Variants in CCSER1 observed in about 807,000 individuals in gnomAD.
CCSER1 encodes the protein serine-rich coiled-coil domain-containing protein 1.
In CCSER1, 41 loss-of-function variants were observed where a neutral mutation model predicts 82.0. The ratio of observed to expected loss-of-function variants is 0.50; its 90% CI spans 0.39 to 0.65. CCSER1 has a LOEUF of 0.65. CCSER1 is among the 30% of genes least tolerant of loss of function. CCSER1 has a pLI of 0.00. For synonymous variants in CCSER1, 414 were observed against 383.9 expected (o/e 1.08, Z -0.92); for missense variants, 1,119 against 1,064.2 (o/e 1.05, Z -0.72).
intron 1 of CCSER1, among the ~76,000 whole-genome samples, chr4:90,147,073 T>G (rs1725944856): frequency 6.6e-6 from 1 of 152,138 alleles, no homozygotes; most frequent in Non-Finnish European, 1.5e-5. Context: ...AGTGATTTAT[T>G]TATTTACTAT....
intron 1 of CCSER1, among the ~76,000 whole-genome samples, chr4:90,221,028 G>C (rs1198042318): frequency 6.6e-6 from 1 of 152,060 alleles, no homozygotes; most frequent in East Asian, 1.9e-4. Context: ...ATATAAATGG[G>C]AATTGATTTT....
At chr4:90,888,917 G>A (rs1722549658) in intron 8 of CCSER1, among the ~76,000 whole-genome samples, 1 of 152,032 alleles carries the variant, frequency 6.6e-6, no homozygotes, top group Non-Finnish European at 1.5e-5. Context: ...ATTTTCATTT[G>A]ACTAGAAATT....
At chr4:91,387,569 T>C (rs1560632293) in intron 10 of CCSER1, among the ~76,000 whole-genome samples, 3 of 152,070 alleles carry the variant, frequency 2.0e-5, no homozygotes. Context: ...TGTTTAAGTA[T>C]CTAACTAATT....
intron 10 of CCSER1, among the ~76,000 whole-genome samples, chr4:91,533,053 T>G (rs544747590): frequency 6.6e-6 from 1 of 152,142 alleles, no homozygotes; most frequent in South Asian, 2.1e-4. Flanking sequence ...ATGCTGTACA[T>G]TAGGCACTAG....
In CCSER1 at chr4:90,472,856, G is replaced by T. The variant is rs1044426259; in HGVS notation, c.1724+4502G>T. ...CAGATGGTTGGATAAAGAAAATGTG[G>T]TATATATACACCATAAAAAAGAGTG... On this transcript the variant is annotated intron_variant, in intron 5 of 10. Coordinates refer to ENST00000509176, the MANE Select transcript of CCSER1 (RefSeq NM_001145065.2). Among the ~76,000 whole-genome samples, 39 of 152,164 alleles carry T rather than the reference G, an allele frequency of 2.6e-4. 2 individuals carry two copies. Among genetic ancestry groups the T allele is most frequent in the Admixed American group, 2.3e-3 (35 of 15,264 alleles).
intron 6 of CCSER1, chr4:90,641,929 C>G (rs1726609534): frequency 2.9e-6 from 1 of 341,268 alleles, no homozygotes; most frequent in African/African-American, 2.1e-5. Context: ...TTATGCATGT[C>G]TAACTTTCAG....
chr4:90,800,051 G>T (rs1209166208), intron 7 of CCSER1, among the ~76,000 whole-genome samples: 5 of 152,064 alleles, frequency 3.3e-5, no homozygotes, highest in African/African-American at 1.2e-4. Flanking sequence ...TCCACTCTTG[G>T]TGCCTTCCCT....
At chr4:91,151,014 T>C (rs946299477) in intron 10 of CCSER1, among the ~76,000 whole-genome samples, 2 of 152,184 alleles carry the variant, frequency 1.3e-5, no homozygotes, top group Non-Finnish European at 2.9e-5. Context: ...TCCCTCTTTT[T>C]TTATTGATTG....
chr4:90,185,830 C>T (rs1222321242), intron 1 of CCSER1, among the ~76,000 whole-genome samples: 1 of 151,994 alleles, frequency 6.6e-6, no homozygotes. Context: ...GGAAGTGAGG[C>T]ATTATTATCA....
chr4:90,375,844 A>C (rs10000742), intron 3 of CCSER1, among the ~76,000 whole-genome samples: 55,106 of 151,582 alleles, frequency 0.36, 10,467 homozygotes, highest in African/African-American at 0.47. Context: ...GGACTGATTA[A>C]CCTGAGGCAG....
intron 10 of CCSER1, among the ~76,000 whole-genome samples, chr4:91,287,649 G>C (rs17018321): frequency 0.04 from 6,152 of 152,016 alleles, 184 homozygotes; most frequent in African/African-American, 0.081. Context: ...AGTGCATTGT[G>C]TCTATAACTT....
chr4:90,687,141 C>G (rs1191999472), intron 6 of CCSER1, among the ~76,000 whole-genome samples: 2 of 152,016 alleles, frequency 1.3e-5, no homozygotes, highest in Non-Finnish European at 2.9e-5. Flanking sequence ...TATCTTAGAA[C>G]AAGTATATTT....
intron 10 of CCSER1, among the ~76,000 whole-genome samples, chr4:91,395,664 T>G (rs1383673837): frequency 6.6e-6 from 1 of 151,816 alleles, no homozygotes. Context: ...GAATAGGGTG[T>G]TTTTTTTATA....
At chr4:91,066,336 G>A (rs1188035754) in intron 9 of CCSER1, among the ~76,000 whole-genome samples, 3 of 152,158 alleles carry the variant, frequency 2.0e-5, no homozygotes, top group Non-Finnish European at 4.4e-5. Flanking sequence ...TTGCCAAATG[G>A]TCGCACAGTT....
intron 1 of CCSER1, among the ~76,000 whole-genome samples, chr4:90,155,471 T>A (rs1285589269): frequency 6.6e-6 from 1 of 152,230 alleles, no homozygotes; most frequent in Non-Finnish European, 1.5e-5. Flanking sequence ...TTCCTCCTTG[T>A]ACCTCTGGTA....
intron 10 of CCSER1, among the ~76,000 whole-genome samples, chr4:91,394,383 T>A: frequency 6.6e-6 from 1 of 152,178 alleles, no homozygotes; most frequent in East Asian, 1.9e-4. Flanking sequence ...AATAATTAAA[T>A]AATTTCAAAT....
chr4:90,493,138 T>A (rs996333019), intron 5 of CCSER1, among the ~76,000 whole-genome samples: 1 of 152,176 alleles, frequency 6.6e-6, no homozygotes, highest in Non-Finnish European at 1.5e-5. Context: ...AGTAGCCGAT[T>A]CCATCAACTG....
intron 5 of CCSER1, among the ~76,000 whole-genome samples, chr4:90,481,301 T>C (rs2153598264): frequency 6.6e-6 from 1 of 152,316 alleles, no homozygotes; most frequent in East Asian, 1.9e-4. Context: ...AGATATACAA[T>C]CATGTCATCT....
At chr4:91,196,870 T>C (rs991169274) in intron 10 of CCSER1, among the ~76,000 whole-genome samples, 4 of 152,248 alleles carry the variant, frequency 2.6e-5, no homozygotes, top group Non-Finnish European at 5.9e-5. Flanking sequence ...ATCACTATTC[T>C]ACAGACAACT....
Sources: gnomAD v4.1 joint callset for allele counts (sites outside exome capture counted in the v4.1 genomes callset) on GRCh38, gnomAD v4.1.1 for gene constraint, MANE v1.5 for transcripts, NCBI Gene and HGNC (gene_info 2026-07-23, HGNC 2026-07-21) for gene names.